Variants in LRRTM4 observed in about 807,000 individuals in gnomAD.
LRRTM4 encodes leucine rich repeat transmembrane neuronal 4, also known as leucine-rich repeat transmembrane neuronal protein 4.
A neutral mutation model predicts 47.6 loss-of-function variants in LRRTM4; 25 were observed. That is an observed-to-expected ratio of 0.53 (90% CI 0.38 to 0.73). The LOEUF (loss-of-function observed/expected upper bound fraction) is 0.73. Ranked by LOEUF, LRRTM4 falls within the 30% of genes least tolerant of loss-of-function variation. LRRTM4 has a pLI of 0.00. For missense variants in LRRTM4, 638 were observed against 713.4 expected (o/e 0.89, Z 1.20); for synonymous variants, 311 against 269.5 (o/e 1.15, Z -1.51).
At chr2:77,338,614 G>A (rs1322278953) in intron 3 of LRRTM4, among the ~76,000 whole-genome samples, 2 of 152,012 alleles carry the variant, frequency 1.3e-5, no homozygotes, top group African/African-American at 4.8e-5. Context: ...TGTTGATGAG[G>A]TTGTAGAGAA....
At chr2:76,799,628 AG>A (rs1416190429) in intron 3 of LRRTM4, among the ~76,000 whole-genome samples, 2 of 137,220 alleles carry the variant, frequency 1.5e-5, no homozygotes, top group African/African-American at 2.8e-5. Flanking sequence ...AAGGAAATAA[AG>A]GGTATTCAAT....
chr2:76,903,032 T>C (rs1055565570), intron 3 of LRRTM4, among the ~76,000 whole-genome samples: 3 of 152,300 alleles, frequency 2.0e-5, no homozygotes, highest in African/African-American at 4.8e-5. Flanking sequence ...AATTCATTAA[T>C]ATATGTTGAA....
chr2:77,010,722 G>C (rs1677841432), intron 3 of LRRTM4, among the ~76,000 whole-genome samples: 1 of 151,948 alleles, frequency 6.6e-6, no homozygotes. Flanking sequence ...TCTCTGCCCA[G>C]GATGTAAAAA....
chr2:77,103,065 C>T (rs1670999485), intron 3 of LRRTM4, among the ~76,000 whole-genome samples: 1 of 151,974 alleles, frequency 6.6e-6, no homozygotes, highest in Admixed American at 6.6e-5. Context: ...CAAAGTTGGG[C>T]CCCAATATTG....
At chr2:77,163,032 G>C (rs1477791775) in intron 3 of LRRTM4, among the ~76,000 whole-genome samples, 19 of 152,144 alleles carry the variant, frequency 1.2e-4, no homozygotes, top group Admixed American at 1.2e-3. Context: ...ACTTCTGTGA[G>C]CTAAAGGAGG....
chr2:77,104,570 T>C (rs745824881), intron 3 of LRRTM4, among the ~76,000 whole-genome samples: 6 of 152,102 alleles, frequency 3.9e-5, no homozygotes, highest in Non-Finnish European at 8.8e-5. Flanking sequence ...CCTCAAAATA[T>C]GATCAGATGG....
chr2:76,819,544 T>C (rs1393460205), intron 3 of LRRTM4, among the ~76,000 whole-genome samples: 1 of 151,884 alleles, frequency 6.6e-6, no homozygotes, highest in East Asian at 1.9e-4. Context: ...ACTTAATATA[T>C]TGACAGATTT....
chr2:76,983,652 T>C (rs547594455), intron 3 of LRRTM4, among the ~76,000 whole-genome samples: 9 of 152,080 alleles, frequency 5.9e-5, no homozygotes, highest in Admixed American at 3.9e-4. Flanking sequence ...AATAGACTTA[T>C]ACAGTAATTA....
At chr2:76,922,692 C>T (rs1674469924) in intron 3 of LRRTM4, among the ~76,000 whole-genome samples, 2 of 130,166 alleles carry the variant, frequency 1.5e-5, no homozygotes, top group African/African-American at 2.9e-5. Context: ...GTTCTGGAGG[C>T]CTAAATGTAC....
chr2:77,058,602 A>G (rs1679685382), intron 3 of LRRTM4, among the ~76,000 whole-genome samples: 1 of 143,360 alleles, frequency 7.0e-6, no homozygotes, highest in South Asian at 2.1e-4. Flanking sequence ...TCTCATAATC[A>G]TCATTGTATT....
intron 3 of LRRTM4, among the ~76,000 whole-genome samples, chr2:77,354,277 G>A (rs940863402): frequency 6.6e-6 from 1 of 152,128 alleles, no homozygotes; most frequent in Non-Finnish European, 1.5e-5. Flanking sequence ...GAGTAGAGGA[G>A]AGAAATAAAG....
chr2:77,376,431 G>A (rs1167012653), intron 3 of LRRTM4, among the ~76,000 whole-genome samples: 1 of 142,786 alleles, frequency 7.0e-6, no homozygotes, highest in Non-Finnish European at 1.5e-5. Flanking sequence ...TTTTGCTAAT[G>A]TCCTTTTTCA....
chr2:76,857,544 A>G (rs569398181), intron 3 of LRRTM4, among the ~76,000 whole-genome samples: 1 of 151,920 alleles, frequency 6.6e-6, no homozygotes, highest in Non-Finnish European at 1.5e-5. Flanking sequence ...TAACCCCCTC[A>G]TTGTTCAAGA....
chr2:77,108,681 T>C (rs970637499), intron 3 of LRRTM4, among the ~76,000 whole-genome samples: 2 of 151,414 alleles, frequency 1.3e-5, no homozygotes, highest in East Asian at 1.9e-4. Flanking sequence ...CCTCCCGGGT[T>C]CACGCCATTC....
chr2:77,329,506 G>C lies in LRRTM4; in HGVS notation c.1551+188812C>G, dbSNP rs972887574. Among the ~76,000 whole-genome samples, 2 of 152,162 alleles carry C rather than the reference G, an allele frequency of 1.3e-5. 1 individual carries two copies. The highest frequency in any genetic ancestry group is 4.1e-4 in the South Asian group (2 of 4,832). Reference sequence around the variant, plus strand: ...GTCAATTTTAAAGAAAGAAAAGCCAGCTTGGTAAATCTAGAGTATGCTGAA... The same window carrying C: ...GTCAATTTTAAAGAAAGAAAAGCCACCTTGGTAAATCTAGAGTATGCTGAA... On this transcript the variant is annotated intron_variant, in intron 3 of 3. Transcript: ENST00000409884.
chr2:76,971,688 G>GTTAAATA (rs1204455482), intron 3 of LRRTM4, among the ~76,000 whole-genome samples: 4 of 151,948 alleles, frequency 2.6e-5, no homozygotes, highest in African/African-American at 4.8e-5. Flanking sequence ...TTAAGAGTCA[G>GTTAAATA]CATTTAACTG....
intron 3 of LRRTM4, among the ~76,000 whole-genome samples, chr2:77,030,919 T>C (rs1056075311): frequency 2.0e-5 from 3 of 152,222 alleles, no homozygotes; most frequent in African/African-American, 4.8e-5. Context: ...GGTTCTAATA[T>C]TGTTACTTGC....
intron 3 of LRRTM4, among the ~76,000 whole-genome samples, chr2:77,002,985 TTG>T (rs1170558383): frequency 7.0e-6 from 1 of 143,112 alleles, no homozygotes; most frequent in East Asian, 1.9e-4. Flanking sequence ...AGGAACTTAT[TTG>T]TCTTGTCAAC....
chr2:76,889,876 G>A (rs1192414123), intron 3 of LRRTM4, among the ~76,000 whole-genome samples: 1 of 151,854 alleles, frequency 6.6e-6, no homozygotes, highest in Non-Finnish European at 1.5e-5. Flanking sequence ...TAGGATGATT[G>A]CAAAAGCAAG....
Sources: gnomAD v4.1 joint callset for allele counts (sites outside exome capture counted in the v4.1 genomes callset) on GRCh38, gnomAD v4.1.1 for gene constraint, MANE v1.5 for transcripts, NCBI Gene and HGNC (gene_info 2026-07-23, HGNC 2026-07-21) for gene names.